SDAD1: variants seen among roughly 807,000 people sequenced by gnomAD.
SDAD1 encodes protein SDA1 homolog.
A neutral mutation model predicts 100.3 loss-of-function variants in SDAD1; 79 were observed. The ratio of observed to expected loss-of-function variants is 0.79; its 90% CI spans 0.66 to 0.95. SDAD1 has a LOEUF of 0.95. Among genes scored for constraint, SDAD1 ranks in the 40% least tolerant of loss-of-function variants. The pLI, the probability that SDAD1 is intolerant of heterozygous loss-of-function variation, is 0.00. For missense variants in SDAD1, 790 were observed against 810.9 expected, an observed-to-expected ratio of 0.97 and a Z score of 0.31; for synonymous variants, 267 against 271.4, an observed-to-expected ratio of 0.98 and a Z score of 0.16.
At chr4:75,959,993 G>C in intron 17 of SDAD1, 73 bp downstream of exon 17, 1 of 1,444,564 alleles carries the variant, frequency 6.9e-7, no homozygotes, top group Non-Finnish European at 9.3e-7. Flanking sequence ...TGTTCAAATA[G>C]TATACAATTT....
At chr4:75,981,783 G>A (rs969823822) in intron 2 of SDAD1, 150 bp downstream of exon 2, 23 of 699,810 alleles carry the variant, frequency 3.3e-5, no homozygotes, top group Admixed American at 3.1e-5. Flanking sequence ...CTCATGATAG[G>A]GAGAAAATAA....
chr4:75,960,261 C>T, intron 16 of SDAD1, 69 bp from the exon 17 acceptor site: 2 of 1,310,912 alleles, frequency 1.5e-6, no homozygotes, highest in Non-Finnish European at 2.1e-6. Context: ...AAGGTAGTCT[C>T]TGAAATTATG....
At chr4:75,973,930 T>G (rs575991596) in intron 7 of SDAD1, 146 bp downstream of exon 7, 63 of 603,910 alleles carry the variant, frequency 1.0e-4, no homozygotes, top group African/African-American at 1.0e-3. Flanking sequence ...TGTGCAGGCA[T>G]GCAGTTTATG....
Position 75,990,801 on chromosome 4 carries a change from G to C in SDAD1, c.41C>G (p.Pro14Arg). The C allele has an allele frequency of 1.2e-6, 2 of 1,614,090 alleles. No homozygotes were observed. Among genetic ancestry groups the C allele is most frequent in the Non-Finnish European group, 1.7e-6 (2 of 1,180,012 alleles). ...TCGCTTGATTAGATTCTGTAACTGC[G>C]GCAGGTTGCTGGGAAGCTTGTTGTT... ...RNNNKLPSNL[P>R]QLQNLIKRDP... Residue 14 changes from proline to arginine, a missense_variant, in exon 1 of 22, where the codon CCG becomes CGG. By Grantham distance (103) the Pro-to-Arg change is moderately radical (BLOSUM62 -2). Coordinates refer to ENST00000356260, the MANE Select transcript of SDAD1 (RefSeq NM_018115.4).
chr4:75,990,568 G>C (rs1731195561), intron 1 of SDAD1, 184 bp downstream of exon 1: 1 of 1,255,582 alleles, frequency 8.0e-7, no homozygotes, highest in Non-Finnish European at 1.1e-6. Flanking sequence ...AGATTTTCAA[G>C]AGGTGGGGAA....
At position 75,977,757 on chromosome 4, in the gene SDAD1, C is replaced by T. The variant is rs1730237273; in HGVS notation, c.295-1G>A. 2 of 1,582,720 alleles carry T rather than the reference C, an allele frequency of 1.3e-6. No homozygotes were observed. The highest frequency in any genetic ancestry group is 1.7e-6 in the Non-Finnish European group (2 of 1,155,230). ...GCAAGATCAAAGCTTTGCAAAATGTCTCGGGAAGGAAAAAAACATACCATA... is the reference window on the plus strand; with the variant it reads ...GCAAGATCAAAGCTTTGCAAAATGTTTCGGGAAGGAAAAAAACATACCATA... On this transcript the variant is annotated splice_acceptor_variant, in intron 3 of 21. Coordinates refer to ENST00000356260, the MANE Select transcript of SDAD1 (RefSeq NM_018115.4). LOFTEE classifies it high-confidence loss of function.
intron 4 of SDAD1, among the ~76,000 whole-genome samples, chr4:75,976,697 T>C (rs896144296): frequency 6.6e-6 from 1 of 152,096 alleles, no homozygotes; most frequent in Non-Finnish European, 1.5e-5. Context: ...TTGTACACTT[T>C]AAGTGGATGA....
chr4:75,957,644 C>T lies in SDAD1; in HGVS notation c.1643G>A (p.Ser548Asn). The T allele has an allele frequency of 6.2e-7, 1 of 1,614,202 alleles. No individual in the cohort carries two copies. The highest frequency in any genetic ancestry group is 1.1e-5 in the South Asian group (1 of 91,084). ...RKAKAAAIST[S>N]RVLTQEDFQK... ...GAAGTCTTCCTGAGTTAAAACTCGG[C>T]TAGTGCTGATGGCTGCAGCTTTGGC... The change falls in exon 19 of 22, where the codon AGC becomes AAC. Residue 548 changes from serine (S) to asparagine (N), a missense_variant. Ser to Asn is a conservative substitution (Grantham distance 46). Coordinates refer to ENST00000356260, the MANE Select transcript of SDAD1 (RefSeq NM_018115.4).
chr4:75,983,117 T>C (rs1730644534), intron 1 of SDAD1, among the ~76,000 whole-genome samples: 1 of 152,128 alleles, frequency 6.6e-6, no homozygotes, highest in South Asian at 2.1e-4. Context: ...TGCAAGGACA[T>C]GAACTCATCC....
At chr4:75,987,122 CCCT>C (rs1211950954) in intron 1 of SDAD1, among the ~76,000 whole-genome samples, 4 of 152,144 alleles carry the variant, frequency 2.6e-5, no homozygotes, top group East Asian at 1.9e-4. Context: ...TACCTAATTG[CCCT>C]CCTTTTTCAA....
At chr4:75,972,871 A>G (rs1415978076) in intron 8 of SDAD1, among the ~76,000 whole-genome samples, 4 of 152,186 alleles carry the variant, frequency 2.6e-5, no homozygotes, top group Middle Eastern at 6.8e-3. Flanking sequence ...AATACAAAAA[A>G]TTAGCCAGGC....
chr4:75,961,072 G>A lies in SDAD1; in HGVS notation c.1312C>T (p.Leu438Phe). 1.2e-6 allele frequency: 2 copies of A among 1,614,044 alleles called. No individual in the cohort carries two copies. Among genetic ancestry groups the A allele is most frequent in the South Asian group, 1.1e-5 (1 of 91,074 alleles). The change falls in exon 16 of 22, where the codon CTC becomes TTC. Residue 438 changes from leucine to phenylalanine, a missense_variant. Leu to Phe is a conservative substitution (Grantham distance 22). Transcript: ENST00000356260. ...ATCTGAGGATTCAGTGTTCGGAAGA[G>A]GTGAATCAAAGTTCTAGCAGACATC... ...VMMSARTLIH[L>F]FRTLNPQMLQ...
At chr4:75,965,846 G>C in intron 12 of SDAD1, 24 bp from the exon 13 acceptor site, 2 of 1,607,764 alleles carry the variant, frequency 1.2e-6, no homozygotes, top group Non-Finnish European at 1.7e-6. Context: ...AGAACAGAAA[G>C]GTCATGGTCA....
At chr4:75,967,408 T>C in intron 11 of SDAD1, 74 bp from the exon 12 acceptor site, 1 of 1,341,588 alleles carries the variant, frequency 7.5e-7, no homozygotes, top group Non-Finnish European at 1.1e-6. Flanking sequence ...AATGCAAACA[T>C]ATCACCAAGC....
chr4:75,965,840 C>T lies in SDAD1; in HGVS notation c.1046-18G>A. 3.7e-6 allele frequency: 6 copies of T among 1,610,918 alleles called. No homozygotes were observed. Among genetic ancestry groups the T allele is most frequent in the Non-Finnish European group, 5.1e-6 (6 of 1,177,732 alleles). ...GGTTACTTCTGAAAACATAAGAGAA[C>T]AGAAAGGTCATGGTCAGTGTATCAC... On this transcript the variant is annotated intron_variant, in intron 12 of 21. Coordinates refer to ENST00000356260, the MANE Select transcript of SDAD1 (RefSeq NM_018115.4).
chr4:75,978,982 G>GGAAAAAAAAA lies in SDAD1; in HGVS notation c.295-1227_295-1226insTTTTTTTTTC, dbSNP rs565404495. 1.1e-4 allele frequency among the ~76,000 whole-genome samples: 4 copies of GGAAAAAAAAA among 38,066 alleles called. 1 individual carries two copies. The East Asian group carries it at 5.0e-3, about 48-fold the overall frequency. The allele number at this position is 38,066 out of a possible 152,430, so 25.0% of individuals were successfully genotyped here. A position where few individuals can be genotyped will look rare whatever the true frequency, so the allele number is the denominator to read the frequency against. On this transcript the variant is annotated intron_variant, in intron 3 of 21. Transcript: ENST00000356260. ...CAGCTGAGTGACAGACCCTGTCTCA[G>GGAAAAAAAAA]AAAAAAAAAAAAAAAAAAAAAAAAA...
intron 9 of SDAD1, 76 bp from the exon 10 acceptor site, chr4:75,970,454 C>CTGTT (rs1284432119): frequency 1.8e-6 from 2 of 1,104,052 alleles, no homozygotes; most frequent in Non-Finnish European, 2.7e-6. Flanking sequence ...GCTAATAAGG[C>CTGTT]TGTTATAAGT....
At chr4:75,970,717 G>T (rs1171218285) in intron 9 of SDAD1, among the ~76,000 whole-genome samples, 1 of 152,186 alleles carries the variant, frequency 6.6e-6, no homozygotes, top group African/African-American at 2.4e-5. Context: ...GACCTCGTGG[G>T]AAGTTATTGG....
At chr4:75,983,507 T>A (rs931867922) in intron 1 of SDAD1, among the ~76,000 whole-genome samples, 1 of 152,228 alleles carries the variant, frequency 6.6e-6, no homozygotes, top group Non-Finnish European at 1.5e-5. Flanking sequence ...AGATGGTATC[T>A]CATTGTAGTT....
Sources: allele counts gnomAD v4.1 joint callset (sites outside exome capture counted in the v4.1 genomes callset), GRCh38; gene constraint gnomAD v4.1.1; transcripts MANE v1.5; gene names NCBI Gene and HGNC (gene_info 2026-07-23, HGNC 2026-07-21).